Variants in MYO1G observed in about 807,000 individuals in gnomAD.
MYO1G encodes unconventional myosin-Ig.
MYO1G carries 65 observed loss-of-function variants against 115.3 expected under a neutral mutation model. That is an observed-to-expected ratio of 0.56 (90% CI 0.46 to 0.69). MYO1G has a LOEUF of 0.69. MYO1G is among the 30% of genes least tolerant of loss of function. The pLI, the probability that MYO1G is intolerant of heterozygous loss-of-function variation, is 0.00. For synonymous variants in MYO1G, 510 were observed against 552.6 expected, an observed-to-expected ratio of 0.92 and a Z score of 1.08; for missense variants, 1,204 against 1,393.5, an observed-to-expected ratio of 0.86 and a Z score of 2.16.
Position 44,967,804 on chromosome 7 carries a change from G to A in MYO1G, c.1650-67C>T, listed in dbSNP as rs1460037300. 19 of 1,611,764 alleles carry A rather than the reference G, an allele frequency of 1.2e-5. No homozygotes were observed. In the South Asian group the frequency reaches 1.5e-4, roughly 13 times the overall value. On this transcript the variant is annotated intron_variant, in intron 13 of 21. Coordinates refer to ENST00000258787, the MANE Select transcript of MYO1G (RefSeq NM_033054.3). The stretch of plus-strand genomic sequence containing the variant: ...CAGCCCCACCCACCCACGTCCTGAC[G>A]CTAGTCAATGCCTGACCCCAGAGTC...
In MYO1G at chr7:44,965,867, G is replaced by A. The variant is rs781457591; in HGVS notation, c.2158-7C>T. On this transcript the variant is annotated splice_region_variant and splice_polypyrimidine_tract_variant and intron_variant, in intron 16 of 21. Transcript: ENST00000258787. ...CCAAGGTGCCCCGCCATGCCTGGGT[G>A]GGCCAGGTGGGATGGGATACGCAGT... The A allele has an allele frequency of 2.5e-6, 4 of 1,597,880 alleles. No homozygotes were observed. Among genetic ancestry groups the A allele is most frequent in the Non-Finnish European group, 3.4e-6 (4 of 1,179,546 alleles).
At chr7:44,972,993 A>G (rs560402962) in intron 5 of MYO1G, 1 of 151,114 alleles carries the variant, frequency 6.6e-6, no homozygotes, top group Non-Finnish European at 1.5e-5. Context: ...ACTAGTGGGA[A>G]GCTCAGATTC....
At chr7:44,977,229 C>A (rs1440969297) in intron 1 of MYO1G, among the ~76,000 whole-genome samples, 158 bp from the exon 2 acceptor site, 1 of 152,208 alleles carries the variant, frequency 6.6e-6, no homozygotes, top group African/African-American at 2.4e-5. Context: ...GTTGACCTTG[C>A]GTCTCCCTGG....
At chr7:44,972,304 C>T in intron 5 of MYO1G, 79 bp from the exon 6 acceptor site, 2 of 1,045,480 alleles carry the variant, frequency 1.9e-6, no homozygotes, top group Admixed American at 3.5e-5. Flanking sequence ...GGAGAACAAA[C>T]AGACTTGCGC....
In MYO1G at chr7:44,969,231, G is replaced by GT; in HGVS notation, c.1574+181dup. ...TGGTTAACCACTATCCTCAAACCCT[G>GT]TTTCCTGCTCTTCACTTGTGAATCT... is the stretch of plus-strand genomic sequence containing the variant. On this transcript the variant is annotated intron_variant, in intron 12 of 21. Coordinates refer to ENST00000258787, the MANE Select transcript of MYO1G (RefSeq NM_033054.3). The surrounding 1 kb of genome is among the most constrained non-coding windows in gnomAD (Gnocchi z 5.0). 1 of 654,778 alleles carries GT rather than the reference G, an allele frequency of 1.5e-6. No homozygotes were observed. Among genetic ancestry groups the GT allele is most frequent in the Non-Finnish European group, 2.8e-6 (1 of 361,326 alleles). 40.6% of individuals were successfully genotyped at this position (654,778 alleles called of 1,614,324 possible). A position where few individuals can be genotyped will look rare whatever the true frequency, so the allele number is the denominator to read the frequency against.
intron 2 of MYO1G, 90 bp from the exon 3 acceptor site, chr7:44,976,747 G>A: frequency 6.3e-7 from 1 of 1,579,676 alleles, no homozygotes; most frequent in Admixed American, 1.7e-5. Flanking sequence ...AGACTGGCAA[G>A]ATGGGGTCCT....
chr7:44,974,832 T>C, intron 5 of MYO1G: 1 of 377,258 alleles, frequency 2.7e-6, no homozygotes, highest in Non-Finnish European at 5.1e-6. Context: ...TGAGCTCTGA[T>C]ACCACTAGAG....
chr7:44,967,667 G>A lies in MYO1G; in HGVS notation c.1720C>T (p.Leu574=). 6.2e-7 allele frequency: 1 copy of A among 1,613,764 alleles called. No individual in the cohort carries two copies. Among genetic ancestry groups the A allele is most frequent in the African/African-American group, 1.3e-5 (1 of 75,026 alleles). The part of the protein sequence containing the change: ...QDITEVTKRP[L]TAGTLFKNSM... Reference sequence around the variant, plus strand: ...TTCTTGAAGAGTGTGCCAGCCGTCAGGGGGCGCTTGGTCACCTCTGTGATG... The same window carrying A: ...TTCTTGAAGAGTGTGCCAGCCGTCAAGGGGCGCTTGGTCACCTCTGTGATG... The change falls in exon 14 of 22, where the codon CTG becomes TTG. Residue 574 remains leucine, a synonymous_variant. Transcript: ENST00000258787.
At chr7:44,975,890 G>A (rs1355805439) in intron 3 of MYO1G, among the ~76,000 whole-genome samples, 1 of 152,214 alleles carries the variant, frequency 6.6e-6, no homozygotes, top group Non-Finnish European at 1.5e-5. Context: ...AGCATGGTCT[G>A]TGTAGCATTG....
rs1774511373 is a variant in MYO1G, at chr7:44,969,200, C to T, written c.1574+213G>A. Reference sequence around the variant, plus strand: ...TTTTTTAAAGGCTCCCAGAAGAATGCAGCCATGGTTAACCACTATCCTCAA... The same window carrying T: ...TTTTTTAAAGGCTCCCAGAAGAATGTAGCCATGGTTAACCACTATCCTCAA... On this transcript the variant is annotated intron_variant, in intron 12 of 21. Coordinates refer to ENST00000258787, the MANE Select transcript of MYO1G (RefSeq NM_033054.3). This position sits in a 1 kb window ranked among gnomAD's most constrained non-coding sequence, Gnocchi z 5.0. 3 of 566,688 alleles carry T rather than the reference C, an allele frequency of 5.3e-6. No homozygotes were observed. In the African/African-American group the frequency reaches 5.6e-5, roughly 11 times the overall value. The allele number at this position is 566,688 out of a possible 1,614,324, so 35.1% of individuals were successfully genotyped here.
At position 44,965,875 on chromosome 7, in the gene MYO1G, T is replaced by C. The variant is rs1583785154; in HGVS notation, c.2158-15A>G. The C allele has an allele frequency of 6.3e-7, 1 of 1,596,718 alleles. No homozygotes were observed. The highest frequency in any genetic ancestry group is 8.5e-7 in the Non-Finnish European group (1 of 1,179,042). ...CCCCGCCATGCCTGGGTGGGCCAGG[T>C]GGGATGGGATACGCAGTCAAATTCA... On this transcript the variant is annotated splice_polypyrimidine_tract_variant and intron_variant, in intron 16 of 21. Transcript: ENST00000258787.
rs761163074 is a variant in MYO1G at position 44,965,596 on chromosome 7, A to G, written c.2381+41T>C. 3.2e-6 allele frequency: 5 copies of G among 1,563,132 alleles called. No individual in the cohort carries two copies. In the East Asian group the frequency reaches 1.1e-4, roughly 35 times the overall value. On this transcript the variant is annotated intron_variant, in intron 17 of 21. Coordinates refer to ENST00000258787, the MANE Select transcript of MYO1G (RefSeq NM_033054.3). Reference sequence around the variant, plus strand: ...GATGATGGGTTAAGGTATTCAGTGGATGCCAGCTGAATGGAATGTGTGGTG... The same window carrying G: ...GATGATGGGTTAAGGTATTCAGTGGGTGCCAGCTGAATGGAATGTGTGGTG...
rs746446269 is a variant in MYO1G at position 44,975,235 on chromosome 7, G to A, written c.565-8C>T. 25 of 1,613,910 alleles carry A rather than the reference G, an allele frequency of 1.5e-5. No homozygotes were observed. Among genetic ancestry groups the A allele is most frequent in the Non-Finnish European group, 2.1e-5 (25 of 1,179,970 alleles). On this transcript the variant is annotated splice_region_variant and splice_polypyrimidine_tract_variant and intron_variant, in intron 4 of 21. Transcript: ENST00000258787. The stretch of plus-strand genomic sequence containing the variant: ...CTGCTTGAGGACCCGAGACTGAGGA[G>A]AGAGGGGCAGATGGACTCAGGCCTG...
Position 44,963,397 on chromosome 7 carries a change from T to C in MYO1G, c.2746-273A>G, listed in dbSNP as rs1021078759. On this transcript the variant is annotated intron_variant, in intron 20 of 21. Coordinates refer to ENST00000258787, the MANE Select transcript of MYO1G (RefSeq NM_033054.3). The surrounding 1 kb of genome is among the most constrained non-coding windows in gnomAD (Gnocchi z 4.1). ...CAACAGGGCCGCCACTGCTCACCTG[T>C]GGATGCTAAGCCCTTGCATGTGCTA... 1 of 463,248 alleles carries C rather than the reference T, an allele frequency of 2.2e-6. No individual in the cohort carries two copies. The highest frequency in any genetic ancestry group is 2.1e-5 in the African/African-American group (1 of 48,614). The allele number at this position is 463,248 out of a possible 1,614,324, so 28.7% of individuals were successfully genotyped here.
At position 44,962,935 on chromosome 7, in the gene MYO1G, G is replaced by C. The variant is rs1360356160; in HGVS notation, c.2900+35C>G. On this transcript the variant is annotated intron_variant, in intron 21 of 21. Transcript: ENST00000258787. The surrounding 1 kb of genome is among the most constrained non-coding windows in gnomAD (Gnocchi z 5.3). The stretch of plus-strand genomic sequence containing the variant: ...GGGGTCAGGGCGGCCACGCGGCCGG[G>C]GCTTCGTGCCCGCTACCGCCCAGCC... The C allele has an allele frequency of 6.6e-7, 1 of 1,504,680 alleles. No individual in the cohort carries two copies. The highest frequency in any genetic ancestry group is 8.8e-7 in the Non-Finnish European group (1 of 1,130,064). 93.2% of individuals were successfully genotyped at this position (1,504,680 alleles called of 1,614,324 possible). A position where few individuals can be genotyped will look rare whatever the true frequency, so the allele number is the denominator to read the frequency against.
In MYO1G at chr7:44,969,547, C is replaced by T. The variant is rs1451325024; in HGVS notation, c.1504-64G>A. 7.5e-6 allele frequency: 12 copies of T among 1,591,648 alleles called. No homozygotes were observed. The highest frequency in any genetic ancestry group is 1.1e-5 in the South Asian group (1 of 90,612). On this transcript the variant is annotated intron_variant, in intron 11 of 21. Coordinates refer to ENST00000258787, the MANE Select transcript of MYO1G (RefSeq NM_033054.3). This position sits in a 1 kb window ranked among gnomAD's most constrained non-coding sequence, Gnocchi z 5.0. The stretch of plus-strand genomic sequence containing the variant: ...TGGAGGGTCTGTATGAAGGGATAGC[C>T]CTGCCTCCCCACCTCCAGGGCAGAG...
chr7:44,974,444 C>T (rs1000273935), intron 5 of MYO1G: 42 of 152,658 alleles, frequency 2.8e-4, no homozygotes, highest in African/African-American at 9.9e-4. Flanking sequence ...GCTCCCACTG[C>T]ACTGGGGAGC....
rs746021934 is a variant in MYO1G, at chr7:44,970,643, G to C, written c.1166C>G (p.Thr389Arg). 1.2e-6 allele frequency: 2 copies of C among 1,613,894 alleles called. No homozygotes were observed. The highest frequency in any genetic ancestry group is 8.5e-7 in the Non-Finnish European group (1 of 1,180,042). ...GRDPRRDGKD[T>R]VIGVLDIYGF... ...ATAGATGTCCAGCACGCCAATGACTGTGTCCTTGCCATCACGCCGAGGATC... is the reference window on the plus strand; with the variant it reads ...ATAGATGTCCAGCACGCCAATGACTCTGTCCTTGCCATCACGCCGAGGATC... Residue 389 changes from threonine (T) to arginine (R), a missense_variant, in exon 9 of 22, where the codon ACA becomes AGA. By Grantham distance (71) the Thr-to-Arg change is moderately conservative (BLOSUM62 -1). Coordinates refer to ENST00000258787, the MANE Select transcript of MYO1G (RefSeq NM_033054.3).
rs80236718 is a variant in MYO1G, at chr7:44,972,252, A to C, written c.619-27T>G. ...TAGAGGACACAGGCATCCTTTAGACAAATAAGCTCCCAGGATGTCCCCCTG... is the reference window on the plus strand; with the variant it reads ...TAGAGGACACAGGCATCCTTTAGACCAATAAGCTCCCAGGATGTCCCCCTG... On this transcript the variant is annotated intron_variant, in intron 5 of 21. Coordinates refer to ENST00000258787, the MANE Select transcript of MYO1G (RefSeq NM_033054.3). 1.8e-5 allele frequency: 27 copies of C among 1,541,836 alleles called. No homozygotes were observed. In the African/African-American group the frequency reaches 3.0e-4, roughly 17 times the overall value.
Sources: allele counts gnomAD v4.1 joint callset (sites outside exome capture counted in the v4.1 genomes callset), GRCh38; gene constraint gnomAD v4.1.1; non-coding constraint Gnocchi (gnomAD v3.1); transcripts MANE v1.5; gene names NCBI Gene and HGNC (gene_info 2026-07-23, HGNC 2026-07-21).